Variants in INSL6 observed in about 807,000 individuals in gnomAD.
The protein encoded by INSL6 is insulin-like peptide INSL6.
In INSL6, 16 loss-of-function variants were observed where a neutral mutation model predicts 9.4. The observed-to-expected ratio is 1.70, with a 90% CI of 1.15 to 2.59. The LOEUF is 2.59. Ranked by LOEUF, INSL6 falls within the 30% of genes most tolerant of loss-of-function variation. The probability of loss-of-function intolerance (pLI) is 0.00; values close to 1 mark genes in which losing one functional copy is unlikely to be tolerated. For missense variants in INSL6, 391 were observed against 257.3 expected, an observed-to-expected ratio of 1.52 and a Z score of -3.56; for synonymous variants, 154 against 96.9, an observed-to-expected ratio of 1.59 and a Z score of -3.46.
downstream of INSL6, among the ~76,000 whole-genome samples, chr9:5,123,583 G>C (rs1332229762): frequency 6.6e-6 from 1 of 151,910 alleles, no homozygotes; most frequent in Non-Finnish European, 1.5e-5. Context: ...CCATGTCTTT[G>C]CTTTTGTGAA....
intron 2 of INSL6, among the ~76,000 whole-genome samples, chr9:5,143,935 C>T (rs1032661214): frequency 1.3e-5 from 2 of 152,178 alleles, no homozygotes; most frequent in Non-Finnish European, 2.9e-5. Flanking sequence ...GCTGGGATTA[C>T]AGGCGTAAGC....
At chr9:5,178,408 G>T (rs1432083887) in intron 1 of INSL6, among the ~76,000 whole-genome samples, 11 of 152,272 alleles carry the variant, frequency 7.2e-5, no homozygotes. Flanking sequence ...TGCTTTGGCA[G>T]ATTGTGGCCA....
At chr9:5,133,155 GAT>G (rs1824323570) in intron 3 of INSL6, among the ~76,000 whole-genome samples, 1 of 150,470 alleles carries the variant, frequency 6.6e-6, no homozygotes, top group South Asian at 2.1e-4. Flanking sequence ...GATATGCAGT[GAT>G]ATTAGAGTGT....
chr9:5,141,061 T>C (rs1413269019), intron 2 of INSL6, among the ~76,000 whole-genome samples: 1 of 152,182 alleles, frequency 6.6e-6, no homozygotes, highest in African/African-American at 2.4e-5. Context: ...TTATGCTGCA[T>C]AGTACTCCAT....
the INSL6 span, among the ~76,000 whole-genome samples, chr9:5,095,881 AG>A: frequency 2.6e-5 from 4 of 152,230 alleles, no homozygotes; most frequent in African/African-American, 9.6e-5. Flanking sequence ...TCTAGCACTT[AG>A]CCTAAGTATA....
the INSL6 span, among the ~76,000 whole-genome samples, chr9:5,066,944 A>G: frequency 2.0e-5 from 3 of 152,112 alleles, no homozygotes; most frequent in African/African-American, 7.2e-5. Context: ...ATTCTGTACA[A>G]ATAAACAAGT....
the INSL6 span, among the ~76,000 whole-genome samples, chr9:4,996,968 C>T: frequency 7.3e-6 from 1 of 136,194 alleles, no homozygotes; most frequent in Admixed American, 7.8e-5. Context: ...TTCACTGTCA[C>T]TCAGGCTGGA....
chr9:5,185,267 A>C, intron 1 of INSL6, 47 bp downstream of exon 1: 1 of 1,611,992 alleles, frequency 6.2e-7, no homozygotes, highest in Non-Finnish European at 8.5e-7. Flanking sequence ...TGCAGGAATA[A>C]GAAATATACA....
the INSL6 span, among the ~76,000 whole-genome samples, chr9:5,106,857 C>T: frequency 6.6e-6 from 1 of 152,216 alleles, no homozygotes; most frequent in East Asian, 1.9e-4. Flanking sequence ...AATGAGAACA[C>T]TTGGACACAT....
chr9:5,015,874 T>C, the INSL6 span, among the ~76,000 whole-genome samples: 5 of 151,838 alleles, frequency 3.3e-5, no homozygotes, highest in African/African-American at 1.2e-4. Flanking sequence ...CTAAACACGA[T>C]TGTGTCATAT....
the INSL6 span, chr9:5,081,845 T>C: frequency 6.2e-7 from 1 of 1,612,824 alleles, no homozygotes; most frequent in Non-Finnish European, 8.5e-7. Context: ...TTGAAATTTC[T>C]ACAGCAACTT....
the INSL6 span, among the ~76,000 whole-genome samples, chr9:5,043,636 T>C: frequency 1.9e-3 from 293 of 152,314 alleles, 1 homozygote; most frequent in African/African-American, 6.7e-3. Context: ...CCACAAAAAC[T>C]TGTACATGAC....
the INSL6 span, among the ~76,000 whole-genome samples, chr9:5,049,339 T>C: frequency 6.6e-6 from 1 of 152,224 alleles, no homozygotes; most frequent in African/African-American, 2.4e-5. Context: ...TAAGTTTTAA[T>C]CCACATTATT....
the INSL6 span, among the ~76,000 whole-genome samples, chr9:5,046,356 G>C: frequency 1.3e-5 from 2 of 151,950 alleles, no homozygotes; most frequent in Admixed American, 6.6e-5. Context: ...CATTCTCTAG[G>C]TTGCCTTTTC....
the INSL6 span, chr9:5,109,617 G>C: frequency 6.6e-6 from 1 of 152,070 alleles, no homozygotes; most frequent in Non-Finnish European, 1.5e-5. Context: ...CATCACATGC[G>C]CCTTCACCAT....
At chr9:5,101,867 AG>A in the INSL6 span, among the ~76,000 whole-genome samples, 1 of 152,234 alleles carries the variant, frequency 6.6e-6, no homozygotes, top group Non-Finnish European at 1.5e-5. Context: ...ATCAACAAAA[AG>A]GGCATCCACA....
intron 2 of INSL6, among the ~76,000 whole-genome samples, chr9:5,146,666 CAG>C (rs1485601033): frequency 1.3e-5 from 2 of 152,214 alleles, no homozygotes; most frequent in Non-Finnish European, 2.9e-5. Context: ...CGGCAGTCAA[CAG>C]GGGTTGAGAG....
At chr9:5,066,700 C>T in the INSL6 span, 7 of 1,606,370 alleles carry the variant, frequency 4.4e-6, no homozygotes, top group African/African-American at 5.4e-5. Flanking sequence ...CATTAGTAAA[C>T]TGAAGAAAGC....
intron 3 of INSL6, chr9:5,126,453 ATT>A: frequency 1.3e-6 from 2 of 1,547,728 alleles, no homozygotes; most frequent in Non-Finnish European, 1.8e-6. Context: ...TGAGGTAACA[ATT>A]TTTTTTTAAT....
Sources: gnomAD v4.1 joint callset for allele counts (sites outside exome capture counted in the v4.1 genomes callset) on GRCh38, gnomAD v4.1.1 for gene constraint, MANE v1.5 for transcripts, NCBI Gene and HGNC (gene_info 2026-07-23, HGNC 2026-07-21) for gene names.